Variants in ATP10B observed in about 807,000 individuals in gnomAD.
ATP10B encodes phospholipid-transporting ATPase VB.
ATP10B carries 122 observed loss-of-function variants against 141.2 expected under a neutral mutation model. That is an observed-to-expected ratio of 0.86 (90% CI 0.75 to 1.00). The LOEUF is 1.00. Among genes scored for constraint, ATP10B ranks in the 50% least tolerant of loss-of-function variants. ATP10B has a pLI of 0.00. For missense variants in ATP10B, 1,876 were observed against 1,825.3 expected (o/e 1.03, Z -0.51); for synonymous variants, 685 against 692.0 (o/e 0.99, Z 0.16).
At chr5:160,880,937 G>A in the ATP10B span, among the ~76,000 whole-genome samples, 1 of 152,114 alleles carries the variant, frequency 6.6e-6, no homozygotes, top group Non-Finnish European at 1.5e-5. Flanking sequence ...TAATTGATAA[G>A]CTAGACTTTA....
chr5:160,620,761 C>A lies in ATP10B; in HGVS notation c.2002G>T (p.Val668Leu). The A allele has an allele frequency of 6.2e-7, 1 of 1,614,222 alleles. No homozygotes were observed. Among genetic ancestry groups the A allele is most frequent in the Non-Finnish European group, 8.5e-7 (1 of 1,180,030 alleles). ...TCAGTGGAGTCACCTCCACTGCACA[C>A]AGATGCATCATCTCTCTCATCCGAG... Reference protein sequence around the residue: ...TDSDERDDASVCSGGDSTDDG... With the variant: ...TDSDERDDASLCSGGDSTDDG... Residue 668 changes from valine (V) to leucine (L), a missense_variant, in exon 15 of 26, where the codon GTG becomes TTG. Transcript: ENST00000327245.
At chr5:160,829,705 C>CT (rs1035094328) in intron 1 of ATP10B, among the ~76,000 whole-genome samples, 17 of 152,104 alleles carry the variant, frequency 1.1e-4, no homozygotes, top group African/African-American at 3.6e-4. Context: ...GGGTATTTCA[C>CT]TTTTTTTGTG....
At chr5:160,626,192 G>A (rs1176892111) in intron 13 of ATP10B, among the ~76,000 whole-genome samples, 2 of 152,244 alleles carry the variant, frequency 1.3e-5, no homozygotes, top group Non-Finnish European at 2.9e-5. Context: ...ATATACATTT[G>A]TGGGGCCACC....
At chr5:160,857,250 T>C in the ATP10B span, among the ~76,000 whole-genome samples, 2 of 151,776 alleles carry the variant, frequency 1.3e-5, no homozygotes, top group African/African-American at 4.8e-5. Context: ...TATAGAGCTA[T>C]TGGAAGTATC....
chr5:160,785,042 G>A (rs943951468), intron 2 of ATP10B, among the ~76,000 whole-genome samples: 2 of 152,072 alleles, frequency 1.3e-5, no homozygotes, highest in Non-Finnish European at 2.9e-5. Context: ...TTAGGCAAGG[G>A]TGTGTAACAC....
intron 1 of ATP10B, among the ~76,000 whole-genome samples, chr5:160,840,012 T>A (rs1305486556): frequency 4.6e-5 from 7 of 151,900 alleles, no homozygotes. Context: ...AACAAAAATA[T>A]TTAGGAGCAA....
At chr5:160,572,667 G>A (rs946397693) in intron 24 of ATP10B, among the ~76,000 whole-genome samples, 3 of 152,118 alleles carry the variant, frequency 2.0e-5, no homozygotes, top group Non-Finnish European at 4.4e-5. Flanking sequence ...AATCTTTCAG[G>A]ACATTAAATC....
At chr5:160,573,073 C>T (rs1754980129) in intron 24 of ATP10B, among the ~76,000 whole-genome samples, 1 of 152,208 alleles carries the variant, frequency 6.6e-6, no homozygotes, top group Admixed American at 6.5e-5. Context: ...TGTCCTCCTA[C>T]TCCCAAGTTA....
chr5:160,602,462 G>A (rs1360578666), intron 21 of ATP10B, 115 bp downstream of exon 21: 3 of 1,390,964 alleles, frequency 2.2e-6, no homozygotes, highest in Non-Finnish European at 3.0e-6. Flanking sequence ...CTAACACTAT[G>A]CCAGCCTGAC....
At chr5:160,731,040 A>G (rs78749434) in intron 2 of ATP10B, among the ~76,000 whole-genome samples, 4,655 of 152,236 alleles carry the variant, frequency 0.031, 232 homozygotes, top group African/African-American at 0.11. Flanking sequence ...CCTTTTCTCT[A>G]GTTAGATACA....
intron 1 of ATP10B, among the ~76,000 whole-genome samples, chr5:160,829,380 T>G (rs1248335724): frequency 2.6e-5 from 4 of 152,118 alleles, no homozygotes; most frequent in African/African-American, 7.2e-5. Context: ...GGCTTGAAAT[T>G]GGGTAGTTTG....
chr5:160,582,965 G>A (rs773687345), intron 24 of ATP10B, among the ~76,000 whole-genome samples: 1 of 152,132 alleles, frequency 6.6e-6, no homozygotes, highest in Non-Finnish European at 1.5e-5. Context: ...GGTTGTTTTA[G>A]TTAGCCATCC....
At chr5:160,833,788 A>T (rs1016168000) in intron 1 of ATP10B, among the ~76,000 whole-genome samples, 2 of 152,210 alleles carry the variant, frequency 1.3e-5, no homozygotes, top group African/African-American at 4.8e-5. Flanking sequence ...TTTTAAATCA[A>T]TTACATTTGG....
chr5:160,578,551 G>GTATA (rs568765085), intron 24 of ATP10B, among the ~76,000 whole-genome samples: 19 of 151,542 alleles, frequency 1.3e-4, no homozygotes, highest in African/African-American at 4.6e-4. Flanking sequence ...GTATTCCATG[G>GTATA]TATATATATA....
At chr5:160,689,769 T>C (rs1176559859) in intron 3 of ATP10B, among the ~76,000 whole-genome samples, 2 of 152,152 alleles carry the variant, frequency 1.3e-5, no homozygotes, top group Admixed American at 1.3e-4. Flanking sequence ...ATCGTGAAAA[T>C]GGCCATACTG....
At chr5:160,782,321 T>C (rs1472014207) in intron 2 of ATP10B, among the ~76,000 whole-genome samples, 1 of 152,108 alleles carries the variant, frequency 6.6e-6, no homozygotes, top group African/African-American at 2.4e-5. Flanking sequence ...CTAAAACAAA[T>C]CTAACGGTTG....
In ATP10B at chr5:160,634,363, G is replaced by A. The variant is rs2127665593; in HGVS notation, c.1372C>T (p.Gln458Ter). The A allele has an allele frequency of 1.2e-6, 2 of 1,614,112 alleles. No individual in the cohort carries two copies. Among genetic ancestry groups the A allele is most frequent in the Non-Finnish European group, 1.7e-6 (2 of 1,180,004 alleles). ...TTGGGAGCTTCTATACCATTTTCTT[G>A]GTGAGAATACTCGCTGCCCATGATG... The part of the protein sequence containing the change: ...CTIMGSEYSH[Q>*]ENAKRLETPK... Residue 458 changes from glutamine (Q) to a stop codon, truncating the protein, a stop_gained, in exon 12 of 26, where the codon CAA becomes TAA. Coordinates refer to ENST00000327245, the MANE Select transcript of ATP10B (RefSeq NM_025153.3). LOFTEE classifies it high-confidence loss of function.
In ATP10B at chr5:160,634,523, C is replaced by G. The variant is rs769220725; in HGVS notation, c.1212G>C (p.Leu404=). ...QVFFLSNDLD[L]YDEETDLSIQ... is the part of the protein sequence containing the mutation. ...TGGATAAATCGGTCTCTTCATCATA[C>G]AGGTCAAGGTCATTGCTCAAGAAGA... The change falls in exon 12 of 26, where the codon CTG becomes CTC. Residue 404 remains leucine, a synonymous_variant. Coordinates refer to ENST00000327245, the MANE Select transcript of ATP10B (RefSeq NM_025153.3). The G allele has an allele frequency of 3.1e-6, 5 of 1,614,170 alleles. No individual in the cohort carries two copies. In the South Asian group the frequency reaches 4.4e-5, roughly 14 times the overall value.
intron 1 of ATP10B, among the ~76,000 whole-genome samples, chr5:160,833,040 A>AT (rs1343505066): frequency 6.6e-6 from 1 of 152,070 alleles, no homozygotes; most frequent in Non-Finnish European, 1.5e-5. Flanking sequence ...TCAGAGAGAG[A>AT]TTTTCTCTGA....
Sources: allele counts gnomAD v4.1 joint callset (sites outside exome capture counted in the v4.1 genomes callset), GRCh38; gene constraint gnomAD v4.1.1; transcripts MANE v1.5; gene names NCBI Gene and HGNC (gene_info 2026-07-23, HGNC 2026-07-21).